Variants in TTLL11 observed in about 807,000 individuals in gnomAD.
TTLL11 encodes the protein tubulin tyrosine ligase like 11.
A neutral mutation model predicts 51.7 loss-of-function variants in TTLL11; 42 were observed. That is an observed-to-expected ratio of 0.81 (90% CI 0.64 to 1.05). TTLL11 has a LOEUF of 1.05. Ranked by LOEUF, TTLL11 falls within the 50% of genes least tolerant of loss-of-function variation. The pLI, the probability that TTLL11 is intolerant of heterozygous loss-of-function variation, is 0.00. For missense variants in TTLL11, 799 were observed against 940.4 expected, an observed-to-expected ratio of 0.85 and a Z score of 1.97; for synonymous variants, 381 against 383.5, an observed-to-expected ratio of 0.99 and a Z score of 0.08.
At chr9:121,829,586 T>C in intron 8 of TTLL11, among the ~76,000 whole-genome samples, 1 of 151,998 alleles carries the variant, frequency 6.6e-6, no homozygotes, top group East Asian at 1.9e-4. Context: ...ATCCTAGGAA[T>C]TTTCCCTAAG....
chr9:122,088,963 G>C (rs560401238), intron 1 of TTLL11, among the ~76,000 whole-genome samples: 11 of 143,440 alleles, frequency 7.7e-5, no homozygotes, highest in Non-Finnish European at 1.3e-4. Context: ...AGTGCAGTGA[G>C]CCAAGATAGC....
chr9:121,837,511 G>A (rs1837213690), intron 8 of TTLL11, among the ~76,000 whole-genome samples: 1 of 152,096 alleles, frequency 6.6e-6, no homozygotes, highest in African/African-American at 2.4e-5. Context: ...TGGGCCTGGA[G>A]CGGGTGGGGG....
At chr9:121,908,106 A>G (rs1307620499) in intron 6 of TTLL11, among the ~76,000 whole-genome samples, 1 of 152,238 alleles carries the variant, frequency 6.6e-6, no homozygotes, top group African/African-American at 2.4e-5. Context: ...GCATTCAAAC[A>G]TAAAGAATGT....
intron 1 of TTLL11, among the ~76,000 whole-genome samples, chr9:122,090,253 C>T (rs546176137): frequency 2.6e-5 from 4 of 152,258 alleles, no homozygotes; most frequent in African/African-American, 9.6e-5. Context: ...CAAACTGAGG[C>T]CTCAAGGGTT....
chr9:121,887,048 G>C (rs1347122595), intron 6 of TTLL11, among the ~76,000 whole-genome samples: 2 of 152,212 alleles, frequency 1.3e-5, no homozygotes, highest in South Asian at 2.1e-4. Context: ...AGACCAGGAT[G>C]ATGAGCCTGT....
intron 1 of TTLL11, among the ~76,000 whole-genome samples, chr9:122,071,019 G>C (rs961938063): frequency 6.6e-6 from 1 of 152,084 alleles, no homozygotes; most frequent in South Asian, 2.1e-4. Context: ...CCAGTGTCTC[G>C]GGCACTCCAT....
intron 7 of TTLL11, among the ~76,000 whole-genome samples, chr9:121,862,677 G>A (rs1162844782): frequency 1.3e-5 from 2 of 152,236 alleles, no homozygotes; most frequent in Non-Finnish European, 2.9e-5. Context: ...GTGCTGGGAG[G>A]CCTGTCCCAA....
chr9:121,949,993 C>T (rs867986129), intron 6 of TTLL11, among the ~76,000 whole-genome samples: 1 of 152,082 alleles, frequency 6.6e-6, no homozygotes, highest in Admixed American at 6.5e-5. Flanking sequence ...CCTCTACTCA[C>T]ACTCCCTGGC....
At chr9:121,954,693 C>CAG (rs1310469421) in intron 6 of TTLL11, among the ~76,000 whole-genome samples, 6 of 151,538 alleles carry the variant, frequency 4.0e-5, no homozygotes, top group Non-Finnish European at 8.8e-5. Context: ...CACACACACA[C>CAG]ACACAGACAC....
intron 1 of TTLL11, among the ~76,000 whole-genome samples, chr9:122,074,897 A>C (rs1845820526): frequency 6.6e-6 from 1 of 152,164 alleles, no homozygotes. Context: ...TAAAAAAAAA[A>C]AAAAGACCTT....
intron 4 of TTLL11, among the ~76,000 whole-genome samples, chr9:121,977,582 G>A (rs1368004644): frequency 6.6e-6 from 1 of 151,994 alleles, no homozygotes; most frequent in East Asian, 1.9e-4. Context: ...GCAGCTCTAA[G>A]CCCAAATTTC....
rs145985752 is a variant in TTLL11 at position 121,860,965 on chromosome 9, T to C, written c.1734-522A>G. On this transcript the variant is annotated intron_variant, in intron 7 of 8. Coordinates refer to ENST00000321582, the MANE Select transcript of TTLL11 (RefSeq NM_001139442.2). ...CCGCAGGGTGACTGGCATGGAGCCA[T>C]GGTAGAGAAGGCAGTGATGTAAGTG... 7.4e-3 allele frequency among the ~76,000 whole-genome samples: 1,132 copies of C among 152,268 alleles called. 6 individuals are homozygous for C. Among genetic ancestry groups the C allele is most frequent in the Non-Finnish European group, 0.012 (829 of 68,016 alleles).
chr9:121,964,061 C>A (rs2131632658), intron 6 of TTLL11, among the ~76,000 whole-genome samples: 2 of 151,804 alleles, frequency 1.3e-5, no homozygotes, highest in East Asian at 3.9e-4. Context: ...AAAAAAAATA[C>A]ACATATACAC....
intron 6 of TTLL11, among the ~76,000 whole-genome samples, chr9:121,920,782 C>T (rs557288901): frequency 1.8e-3 from 272 of 152,310 alleles, no homozygotes; most frequent in African/African-American, 6.4e-3. Flanking sequence ...CAAATATGGC[C>T]ATGATCATTT....
chr9:121,870,785 C>T, intron 6 of TTLL11, 37 bp from the exon 7 acceptor site: 1 of 1,484,420 alleles, frequency 6.7e-7, no homozygotes, highest in African/African-American at 1.4e-5. Context: ...TAACACTTTC[C>T]CTTTCAGTTT....
intron 4 of TTLL11, among the ~76,000 whole-genome samples, chr9:121,975,278 G>C (rs938382093): frequency 1.3e-5 from 2 of 152,170 alleles, no homozygotes; most frequent in Non-Finnish European, 2.9e-5. Context: ...TTGAGGATGA[G>C]TAGTAGCCCA....
Position 122,093,238 on chromosome 9 carries a change from A to G in TTLL11, c.-90T>C. ...TCCGCCACCAAACTGCCGCCGCTGCAGCCGCTGCCACGCGTTCCCCGCCCG... is the reference window on the plus strand; with the variant it reads ...TCCGCCACCAAACTGCCGCCGCTGCGGCCGCTGCCACGCGTTCCCCGCCCG... On this transcript the variant is annotated 5_prime_UTR_variant, in exon 1 of 9. Transcript: ENST00000321582. 2.7e-6 allele frequency: 4 copies of G among 1,497,512 alleles called. No individual in the cohort carries two copies. Among genetic ancestry groups the G allele is most frequent in the Non-Finnish European group, 2.6e-6 (3 of 1,134,942 alleles). The allele number at this position is 1,497,512 out of a possible 1,614,324, so 92.8% of individuals were successfully genotyped here.
chr9:122,012,481 G>A (rs1269867330), intron 3 of TTLL11, among the ~76,000 whole-genome samples: 2 of 151,892 alleles, frequency 1.3e-5, no homozygotes, highest in Non-Finnish European at 2.9e-5. Context: ...TCTAATGATC[G>A]TATTCATCTC....
intron 6 of TTLL11, among the ~76,000 whole-genome samples, chr9:121,953,632 C>CAA (rs57176138): frequency 2.7e-3 from 188 of 70,300 alleles, no homozygotes; most frequent in Non-Finnish European, 3.2e-3. Context: ...GATGCCGCCT[C>CAA]AAAAAAAAAA....
Sources: allele counts gnomAD v4.1 joint callset (sites outside exome capture counted in the v4.1 genomes callset), GRCh38; gene constraint gnomAD v4.1.1; transcripts MANE v1.5; gene names NCBI Gene and HGNC (gene_info 2026-07-23, HGNC 2026-07-21).